Variants in PLXDC2 observed in about 807,000 individuals in gnomAD.
The protein encoded by PLXDC2 is plexin domain-containing protein 2.
Under a neutral mutation model 68.9 loss-of-function variants are expected in PLXDC2, and 40 were observed. The observed-to-expected ratio is 0.58, with a 90% CI of 0.45 to 0.76. The LOEUF (loss-of-function observed/expected upper bound fraction) is 0.76, where lower values mean the gene tolerates loss of function less well. Among genes scored for constraint, PLXDC2 ranks in the 30% least tolerant of loss-of-function variants. The probability of loss-of-function intolerance (pLI) is 0.00; values close to 1 mark genes in which losing one functional copy is unlikely to be tolerated. For missense variants in PLXDC2, 644 were observed against 661.9 expected, an observed-to-expected ratio of 0.97 and a Z score of 0.30; for synonymous variants, 243 against 234.2, an observed-to-expected ratio of 1.04 and a Z score of -0.34.
At chr10:19,985,794 T>G (rs1423885420) in intron 1 of PLXDC2, among the ~76,000 whole-genome samples, 1 of 152,242 alleles carries the variant, frequency 6.6e-6, no homozygotes, top group Non-Finnish European at 1.5e-5. Context: ...AGTCATGTGT[T>G]GGATCAAGCC....
intron 1 of PLXDC2, among the ~76,000 whole-genome samples, chr10:19,827,379 GAA>G (rs1367258536): frequency 6.6e-6 from 1 of 152,092 alleles, no homozygotes; most frequent in Non-Finnish European, 1.5e-5. Context: ...AGCCATTTTA[GAA>G]TAAACATTTC....
At chr10:19,917,942 T>C (rs2131378625) in intron 1 of PLXDC2, among the ~76,000 whole-genome samples, 1 of 152,326 alleles carries the variant, frequency 6.6e-6, no homozygotes, top group Non-Finnish European at 1.5e-5. Flanking sequence ...CACACTCTCC[T>C]GGTGAGTTAT....
At chr10:19,941,928 C>T (rs1007054307) in intron 1 of PLXDC2, among the ~76,000 whole-genome samples, 1 of 147,682 alleles carries the variant, frequency 6.8e-6, no homozygotes, top group African/African-American at 2.5e-5. Context: ...ATTTCCTAAT[C>T]AAACCCGTTT....
Position 20,252,397 on chromosome 10 carries a change from T to G in PLXDC2, c.1473+6892T>G, listed in dbSNP as rs1200547161. 2.0e-5 allele frequency among the ~76,000 whole-genome samples: 3 copies of G among 152,236 alleles called. No individual in the cohort carries two copies. In the South Asian group the frequency reaches 6.2e-4, roughly 32 times the overall value. On this transcript the variant is annotated intron_variant, in intron 13 of 13. Transcript: ENST00000377252. ...TTGGATATGCTGGATTAAATAAATTTTATTACAATTAATTTTATTCATGTT... is the reference window on the plus strand; with the variant it reads ...TTGGATATGCTGGATTAAATAAATTGTATTACAATTAATTTTATTCATGTT...
At chr10:20,215,863 T>C (rs886395945) in intron 10 of PLXDC2, among the ~76,000 whole-genome samples, 3 of 152,120 alleles carry the variant, frequency 2.0e-5, no homozygotes, top group Non-Finnish European at 2.9e-5. Flanking sequence ...GGGAGAATCA[T>C]GATGGGATTG....
chr10:20,263,534 G>A (rs1004585504), intron 13 of PLXDC2, among the ~76,000 whole-genome samples: 1 of 152,176 alleles, frequency 6.6e-6, no homozygotes. Context: ...AAGAGCTTCT[G>A]CACAGCAAAA....
intron 1 of PLXDC2, among the ~76,000 whole-genome samples, chr10:19,934,522 C>T (rs1169417611): frequency 6.6e-6 from 1 of 152,162 alleles, no homozygotes; most frequent in African/African-American, 2.4e-5. Flanking sequence ...GCGATCATTA[C>T]ATTGGTCACC....
intron 4 of PLXDC2, among the ~76,000 whole-genome samples, chr10:20,134,867 G>T (rs571151301): frequency 2.0e-4 from 31 of 152,270 alleles, no homozygotes; most frequent in African/African-American, 7.2e-4. Flanking sequence ...GCCTGAAGGG[G>T]TTCACTGGGA....
intron 13 of PLXDC2, among the ~76,000 whole-genome samples, chr10:20,259,563 C>T (rs1417481142): frequency 6.6e-6 from 1 of 152,146 alleles, no homozygotes; most frequent in Non-Finnish European, 1.5e-5. Flanking sequence ...CATGTAATAA[C>T]AAACCGCCCA....
intron 7 of PLXDC2, among the ~76,000 whole-genome samples, chr10:20,171,783 A>G (rs556547918): frequency 9.7e-4 from 148 of 152,258 alleles, no homozygotes; most frequent in African/African-American, 3.4e-3. Context: ...ATCCTATACA[A>G]TACTTTTAGA....
At chr10:20,175,782 T>A (rs1834518644) in intron 7 of PLXDC2, among the ~76,000 whole-genome samples, 1 of 152,112 alleles carries the variant, frequency 6.6e-6, no homozygotes, top group Non-Finnish European at 1.5e-5. Flanking sequence ...CATTGAGCCA[T>A]GATTGCACCA....
At chr10:19,991,817 A>C (rs1337721312) in intron 1 of PLXDC2, among the ~76,000 whole-genome samples, 1 of 152,192 alleles carries the variant, frequency 6.6e-6, no homozygotes, top group Admixed American at 6.5e-5. Flanking sequence ...GTACCATTAA[A>C]AGAATTGATT....
At chr10:20,067,412 A>C (rs1836230625) in intron 3 of PLXDC2, among the ~76,000 whole-genome samples, 1 of 152,290 alleles carries the variant, frequency 6.6e-6, no homozygotes, top group Middle Eastern at 3.4e-3. Context: ...TCAGCCGGGC[A>C]TGGTGGCTCA....
At chr10:19,843,900 G>A (rs990232642) in intron 1 of PLXDC2, among the ~76,000 whole-genome samples, 41 of 152,140 alleles carry the variant, frequency 2.7e-4, no homozygotes, top group African/African-American at 9.4e-4. Flanking sequence ...ACTGTATTGT[G>A]TATTTCAAAT....
chr10:20,259,954 TA>T (rs1054493263), intron 13 of PLXDC2, among the ~76,000 whole-genome samples: 1 of 152,112 alleles, frequency 6.6e-6, no homozygotes, highest in Admixed American at 6.5e-5. Flanking sequence ...AAGATTCCTA[TA>T]AAAGCTGGGG....
In PLXDC2 at chr10:20,217,596, C is replaced by CTTTTT. The variant is rs66483508; in HGVS notation, c.1273+44_1273+48dup. 603 of 784,906 alleles carry CTTTTT rather than the reference C, an allele frequency of 7.7e-4. 2 individuals carry two copies. Among genetic ancestry groups the CTTTTT allele is most frequent in the Middle Eastern group, 1.1e-3 (2 of 1,748 alleles). 48.6% of individuals were successfully genotyped at this position (784,906 alleles called of 1,614,324 possible). A position where few individuals can be genotyped will look rare whatever the true frequency, so the allele number is the denominator to read the frequency against. ...CAGAAGGTACCCAAGAGATAGTTTG[C>CTTTTT]TTTTTTTTTTTTTTTTTTTTTTTTT... On this transcript the variant is annotated intron_variant, in intron 11 of 13. Transcript: ENST00000377252.
At chr10:20,137,919 T>C (rs1026199092) in intron 4 of PLXDC2, among the ~76,000 whole-genome samples, 3 of 152,158 alleles carry the variant, frequency 2.0e-5, no homozygotes, top group Admixed American at 2.0e-4. Context: ...TATGTGGGAA[T>C]GTGCCCTAGG....
intron 13 of PLXDC2, among the ~76,000 whole-genome samples, chr10:20,278,187 T>C (rs1403996044): frequency 1.3e-5 from 2 of 152,056 alleles, no homozygotes; most frequent in Non-Finnish European, 2.9e-5. Context: ...GGTGGCAGGG[T>C]TGTTCTTGCT....
chr10:19,844,233 T>C (rs1002953067), intron 1 of PLXDC2, among the ~76,000 whole-genome samples: 16 of 152,186 alleles, frequency 1.1e-4, no homozygotes, highest in African/African-American at 3.4e-4. Context: ...GAAAAATTAG[T>C]CGGATTTTTA....
Sources: gnomAD v4.1 joint callset for allele counts (sites outside exome capture counted in the v4.1 genomes callset) on GRCh38, gnomAD v4.1.1 for gene constraint, MANE v1.5 for transcripts, NCBI Gene and HGNC (gene_info 2026-07-23, HGNC 2026-07-21) for gene names.